Variants in DCP1B observed in about 807,000 individuals in gnomAD.
DCP1B encodes the protein decapping mRNA 1B, also known as mRNA-decapping enzyme 1B.
DCP1B carries 47 observed loss-of-function variants against 60.5 expected under a neutral mutation model. The observed-to-expected ratio is 0.78, with a 90% confidence interval of 0.61 to 0.99. The LOEUF is 0.99. Among genes scored for constraint, DCP1B ranks in the 50% least tolerant of loss-of-function variants. DCP1B has a pLI of 0.00. For synonymous variants in DCP1B, 267 were observed against 280.3 expected (o/e 0.95, Z 0.47); for missense variants, 725 against 756.8 (o/e 0.96, Z 0.49).
chr12:1,953,455 G>A (rs935712744), intron 6 of DCP1B, among the ~76,000 whole-genome samples, 167 bp from the exon 7 acceptor site: 3 of 152,064 alleles, frequency 2.0e-5, no homozygotes, highest in Admixed American at 2.0e-4. Flanking sequence ...CCTTTTTAAT[G>A]TCAAAAATTT....
chr12:1,987,851 C>T (rs2038246725), intron 3 of DCP1B, among the ~76,000 whole-genome samples: 1 of 152,086 alleles, frequency 6.6e-6, no homozygotes, highest in African/African-American at 2.4e-5. Context: ...ATTTTGTTTT[C>T]CCAGGAATTA....
chr12:1,958,638 A>G (rs1440717171), intron 5 of DCP1B, among the ~76,000 whole-genome samples: 11 of 146,184 alleles, frequency 7.5e-5, no homozygotes, highest in East Asian at 2.1e-4. Context: ...GAGACAGGGG[A>G]AAAGCTCCCC....
rs997859528 is a variant in DCP1B, at chr12:1,976,899, A to G, written c.320-8989T>C. Among the ~76,000 whole-genome samples, 13 of 152,176 alleles carry G rather than the reference A, an allele frequency of 8.5e-5. No homozygotes were observed. The East Asian group carries it at 2.3e-3, about 27-fold the overall frequency. On this transcript the variant is annotated intron_variant, in intron 3 of 8. Coordinates refer to ENST00000280665, the MANE Select transcript of DCP1B (RefSeq NM_152640.5). ...AAAGTAGGAAGTAAAGAAGGAAGAA[A>G]TGAAGGAAAAAAGGGAAGAAGAAAA...
intron 3 of DCP1B, chr12:1,991,660 T>A (rs2039457732): frequency 5.6e-6 from 1 of 179,432 alleles, no homozygotes; most frequent in African/African-American, 2.4e-5. Flanking sequence ...TTAGTGACTA[T>A]CATAGTGGAC....
At chr12:1,993,130 A>C in intron 3 of DCP1B, 134 bp downstream of exon 3, 1 of 1,169,898 alleles carries the variant, frequency 8.5e-7, no homozygotes, top group East Asian at 2.3e-5. Flanking sequence ...CCTAAACATT[A>C]ACATTTGTTA....
At chr12:1,991,394 G>T in intron 3 of DCP1B, 1 of 273,930 alleles carries the variant, frequency 3.7e-6, no homozygotes, top group Non-Finnish European at 7.3e-6. Context: ...ATAGAAATAT[G>T]AGGGGAACCA....
At chr12:1,981,467 C>G (rs1565815046) in intron 3 of DCP1B, among the ~76,000 whole-genome samples, 1 of 152,188 alleles carries the variant, frequency 6.6e-6, no homozygotes. Context: ...TGCCTGCACT[C>G]TAACAGAGAA....
chr12:1,966,422 A>ATT (rs1182376599), intron 4 of DCP1B, among the ~76,000 whole-genome samples: 4 of 152,220 alleles, frequency 2.6e-5, no homozygotes, highest in African/African-American at 9.6e-5. Flanking sequence ...GTCGAGGAAA[A>ATT]TATACTTTCC....
intron 3 of DCP1B, among the ~76,000 whole-genome samples, chr12:1,990,881 C>A (rs950325172): frequency 3.9e-5 from 6 of 151,974 alleles, no homozygotes; most frequent in Non-Finnish European, 8.8e-5. Flanking sequence ...CTGTGGTAAA[C>A]CCTTCTGTGT....
At chr12:1,977,711 ATGG>A (rs1275497942) in intron 3 of DCP1B, among the ~76,000 whole-genome samples, 2 of 152,240 alleles carry the variant, frequency 1.3e-5, no homozygotes, top group African/African-American at 4.8e-5. Context: ...CAATTAATTA[ATGG>A]TAACATAGTG....
At chr12:1,963,803 T>C (rs2031205523) in intron 5 of DCP1B, among the ~76,000 whole-genome samples, 1 of 152,252 alleles carries the variant, frequency 6.6e-6, no homozygotes, top group Non-Finnish European at 1.5e-5. Context: ...TTACTGCTAC[T>C]GAGTTAGTCA....
At chr12:1,977,645 G>A (rs928864217) in intron 3 of DCP1B, among the ~76,000 whole-genome samples, 4 of 152,174 alleles carry the variant, frequency 2.6e-5, no homozygotes, top group Non-Finnish European at 2.9e-5. Flanking sequence ...CCCATAAGGG[G>A]CCTGTAATTT....
At chr12:1,986,012 ACCGTGTTAGC>A (rs2037617987) in intron 3 of DCP1B, among the ~76,000 whole-genome samples, 1 of 151,972 alleles carries the variant, frequency 6.6e-6, no homozygotes, top group Non-Finnish European at 1.5e-5. Flanking sequence ...ATGGAGTTTC[ACCGTGTTAGC>A]CAGGATGGTC....
chr12:1,984,778 TAAAAAAAAAA>T (rs764705302), intron 3 of DCP1B, among the ~76,000 whole-genome samples: 1 of 81,346 alleles, frequency 1.2e-5, no homozygotes, highest in Non-Finnish European at 2.3e-5. Context: ...GGTCTTCTGG[TAAAAAAAAAA>T]AAAAAAAAAA....
In DCP1B at chr12:1,949,305, T is replaced by C; in HGVS notation, c.1554A>G (p.Thr518=). Residue 518 remains threonine, a synonymous_variant, in exon 8 of 9, where the codon ACA becomes ACG. Coordinates refer to ENST00000280665, the MANE Select transcript of DCP1B (RefSeq NM_152640.5). The part of the protein sequence containing the change: ...QVISPQRIPA[T]AAPSLLMSPM... ...GGGACATAAGCAGAGACGGAGCTGC[T>C]GTAGCAGGGATGCGCTGAGGTGAGA... is the stretch of plus-strand genomic sequence containing the variant. The C allele has an allele frequency of 6.2e-7, 1 of 1,614,106 alleles. No individual in the cohort carries two copies. Among genetic ancestry groups the C allele is most frequent in the Non-Finnish European group, 8.5e-7 (1 of 1,180,036 alleles).
chr12:2,004,423 G>T lies in DCP1B; in HGVS notation c.9C>A (p.Ala3=). ...TTCCCACCAGGCCGCCTGCCGCCAC[G>T]GCTGCCATCTTCCCTCCCTCCCAGA... MA[A]VAAGGLVGKG... is the part of the protein sequence containing the mutation. Residue 3 remains alanine, a synonymous_variant, in exon 1 of 9, where the codon GCC becomes GCA. Coordinates refer to ENST00000280665, the MANE Select transcript of DCP1B (RefSeq NM_152640.5). 1 of 1,609,640 alleles carries T rather than the reference G, an allele frequency of 6.2e-7. No homozygotes were observed. Among genetic ancestry groups the T allele is most frequent in the Non-Finnish European group, 8.5e-7 (1 of 1,178,386 alleles).
intron 2 of DCP1B, among the ~76,000 whole-genome samples, chr12:1,996,737 A>G (rs2041018498): frequency 6.8e-6 from 1 of 146,080 alleles, no homozygotes; most frequent in Admixed American, 6.9e-5. Context: ...CACGTGTCCT[A>G]TGGGCCGTGG....
rs972190987 is a variant in DCP1B at position 1,948,387 on chromosome 12, T to G, written c.1773+699A>C. Among the ~76,000 whole-genome samples, 7 of 152,216 alleles carry G rather than the reference T, an allele frequency of 4.6e-5. No homozygotes were observed. Among genetic ancestry groups the G allele is most frequent in the African/African-American group, 1.7e-4 (7 of 41,454 alleles). ...CCTCAGGCCAGTTGCTCAGCCTCAG[T>G]TTCCTTGTCTGTAGAATGGGAAAAA... On this transcript the variant is annotated intron_variant, in intron 8 of 8. Transcript: ENST00000280665. The surrounding 1 kb of genome is among the most constrained non-coding windows in gnomAD (Gnocchi z 4.8).
chr12:1,960,008 G>T (rs192114828), intron 5 of DCP1B, among the ~76,000 whole-genome samples: 1 of 150,940 alleles, frequency 6.6e-6, no homozygotes, highest in East Asian at 1.9e-4. Context: ...ATTAGAAATA[G>T]AACTACCACA....
Sources: gnomAD v4.1 joint callset for allele counts (sites outside exome capture counted in the v4.1 genomes callset) on GRCh38, gnomAD v4.1.1 for gene constraint, Gnocchi (gnomAD v3.1) non-coding constraint, MANE v1.5 for transcripts, NCBI Gene and HGNC (gene_info 2026-07-23, HGNC 2026-07-21) for gene names.